TENM2: variants seen among roughly 807,000 people sequenced by gnomAD.
The protein encoded by TENM2 is teneurin-2.
In TENM2, 52 loss-of-function variants were observed where a neutral mutation model predicts 245.2. That is an observed-to-expected ratio of 0.21 (90% CI 0.17 to 0.27). The LOEUF (loss-of-function observed/expected upper bound fraction) is 0.27. Among genes scored for constraint, TENM2 ranks in the 10% least tolerant of loss-of-function variants. TENM2 has a pLI of 1.00. For missense variants in TENM2, 3,046 were observed against 3,666.8 expected, an observed-to-expected ratio of 0.83 and a Z score of 4.37; for synonymous variants, 1,363 against 1,438.9, an observed-to-expected ratio of 0.95 and a Z score of 1.19.
chr5:168,198,530 C>T (rs565506719), intron 15 of TENM2, among the ~76,000 whole-genome samples: 3 of 152,226 alleles, frequency 2.0e-5, no homozygotes, highest in South Asian at 2.1e-4. Context: ...GGTGGTGGGC[C>T]GGATTTAGCT....
intron 5 of TENM2, among the ~76,000 whole-genome samples, chr5:168,045,492 G>A (rs1027190760): frequency 6.6e-6 from 1 of 152,168 alleles, no homozygotes; most frequent in Non-Finnish European, 1.5e-5. Flanking sequence ...GAGCAGAGCA[G>A]TTTTGACAAG....
At chr5:167,327,003 CATTAAACATTT>C (rs1471633742) in intron 1 of TENM2, among the ~76,000 whole-genome samples, 12 of 152,052 alleles carry the variant, frequency 7.9e-5, no homozygotes, top group African/African-American at 2.7e-4. Context: ...TTCTGAATAA[CATTAAACATTT>C]ATTCTTTTTT....
intron 2 of TENM2, among the ~76,000 whole-genome samples, chr5:167,596,876 G>A (rs1407619746): frequency 6.6e-6 from 1 of 151,864 alleles, no homozygotes; most frequent in African/African-American, 2.4e-5. Flanking sequence ...TTCTGCATTC[G>A]GTTTGGAAGA....
the TENM2 span, among the ~76,000 whole-genome samples, chr5:167,106,875 T>G: frequency 2.0e-5 from 3 of 151,870 alleles, no homozygotes; most frequent in Non-Finnish European, 4.4e-5. Context: ...TGGCAAGAAT[T>G]GCAGGGTTGC....
chr5:167,981,288 G>T (rs1782816482), intron 4 of TENM2, among the ~76,000 whole-genome samples: 1 of 152,152 alleles, frequency 6.6e-6, no homozygotes, highest in South Asian at 2.1e-4. Flanking sequence ...TACACTTCCT[G>T]CATGCAATAT....
At chr5:168,213,021 G>A (rs888270381) in intron 20 of TENM2, among the ~76,000 whole-genome samples, 2 of 152,230 alleles carry the variant, frequency 1.3e-5, no homozygotes, top group African/African-American at 4.8e-5. Context: ...AGGCACAGAT[G>A]TGCAATGCCT....
chr5:167,404,663 C>A (rs1252082080), intron 2 of TENM2, among the ~76,000 whole-genome samples: 1 of 152,146 alleles, frequency 6.6e-6, no homozygotes, highest in African/African-American at 2.4e-5. Flanking sequence ...TTGAAATCTA[C>A]AGTGGAGATC....
At chr5:167,674,145 TG>T (rs1345022539) in intron 2 of TENM2, among the ~76,000 whole-genome samples, 1 of 152,142 alleles carries the variant, frequency 6.6e-6, no homozygotes, top group Non-Finnish European at 1.5e-5. Flanking sequence ...TAGCTATGCA[TG>T]GGTGTTGACG....
At chr5:167,450,753 T>C (rs1215010904) in intron 2 of TENM2, among the ~76,000 whole-genome samples, 1 of 152,158 alleles carries the variant, frequency 6.6e-6, no homozygotes, top group Non-Finnish European at 1.5e-5. Context: ...TTCTCAACTT[T>C]CCCCTCATTC....
chr5:168,117,227 TG>T (rs1179529409), intron 9 of TENM2, among the ~76,000 whole-genome samples: 18 of 152,242 alleles, frequency 1.2e-4, no homozygotes, highest in Admixed American at 2.0e-4. Flanking sequence ...GTACAGCTGA[TG>T]GGCGAACTAC....
chr5:167,870,621 A>G (rs936860184), intron 2 of TENM2, among the ~76,000 whole-genome samples: 4 of 146,022 alleles, frequency 2.7e-5, no homozygotes, highest in Admixed American at 1.4e-4. Context: ...ATATATATGT[A>G]TATATATACA....
chr5:167,278,450 GC>G, the TENM2 span, among the ~76,000 whole-genome samples: 1 of 151,974 alleles, frequency 6.6e-6, no homozygotes, highest in Non-Finnish European at 1.5e-5. Context: ...GCTTAAGTTT[GC>G]CCTTTTATTT....
At chr5:167,859,167 G>A (rs1279485102) in intron 2 of TENM2, among the ~76,000 whole-genome samples, 9 of 77,460 alleles carry the variant, frequency 1.2e-4, no homozygotes, top group African/African-American at 2.7e-4. Context: ...CCGAGACCCC[G>A]TCTGGGAGGT....
chr5:167,579,691 T>C (rs554260780), intron 2 of TENM2, among the ~76,000 whole-genome samples: 2 of 152,326 alleles, frequency 1.3e-5, no homozygotes, highest in South Asian at 2.1e-4. Context: ...TTAAAGTTAG[T>C]ATAAATTTCT....
At position 167,829,205 on chromosome 5, in the gene TENM2, G is replaced by A. The variant is rs1768249156; in HGVS notation, c.503-46781G>A. ...TTTCCTCTTATGAAGAAGAAGAAAA[G>A]TAAACAAACACACATCGTGTGGAAT... On this transcript the variant is annotated intron_variant, in intron 2 of 28. Coordinates refer to ENST00000518659, the Ensembl canonical transcript of TENM2. Among the ~76,000 whole-genome samples, 3 of 152,202 alleles carry A rather than the reference G, an allele frequency of 2.0e-5. No homozygotes were observed. The South Asian group carries it at 6.2e-4, about 31-fold the overall frequency.
Position 168,190,215 on chromosome 5 carries a change from C to T in TENM2, c.2570-122C>T, listed in dbSNP as rs1404895749. On this transcript the variant is annotated intron_variant, in intron 13 of 28. Transcript: ENST00000518659. ...GAGGCTTGCTGTGTGAAACCTGCCACCTCAGGCCCTTGGGTACGTTTGATG... is the reference window on the plus strand; with the variant it reads ...GAGGCTTGCTGTGTGAAACCTGCCATCTCAGGCCCTTGGGTACGTTTGATG... The T allele has an allele frequency of 1.0e-5, 7 of 670,974 alleles. No individual in the cohort carries two copies. The African/African-American group carries it at 1.3e-4, about 12-fold the overall frequency. 41.6% of individuals were successfully genotyped at this position (670,974 alleles called of 1,614,324 possible).
intron 3 of TENM2, among the ~76,000 whole-genome samples, chr5:167,901,138 A>T (rs1386352263): frequency 1.3e-5 from 2 of 152,166 alleles, no homozygotes; most frequent in African/African-American, 4.8e-5. Context: ...GAACACCCAG[A>T]GATGATCACT....
At chr5:167,680,201 G>A (rs1756608924) in intron 2 of TENM2, among the ~76,000 whole-genome samples, 1 of 151,810 alleles carries the variant, frequency 6.6e-6, no homozygotes, top group African/African-American at 2.4e-5. Flanking sequence ...TTGGCACTGG[G>A]CATGGTGATA....
At chr5:167,089,738 T>C in the TENM2 span, among the ~76,000 whole-genome samples, 17 of 152,126 alleles carry the variant, frequency 1.1e-4, no homozygotes, top group Admixed American at 9.8e-4. Context: ...CAGAAGAGAA[T>C]GGATGAGCAG....
Sources: allele counts gnomAD v4.1 joint callset (sites outside exome capture counted in the v4.1 genomes callset), GRCh38; gene constraint gnomAD v4.1.1; transcripts MANE v1.5; gene names NCBI Gene and HGNC (gene_info 2026-07-23, HGNC 2026-07-21).